The following TTC6 variants were observed in gnomAD, a reference collection of about 807,000 sequenced individuals.
TTC6 encodes tetratricopeptide repeat domain 6.
Under a neutral mutation model 210.4 loss-of-function variants are expected in TTC6, and 172 were observed. That is an observed-to-expected ratio of 0.82 (90% confidence interval 0.72 to 0.93). TTC6 has a LOEUF of 0.93. Among genes scored for constraint, TTC6 ranks in the 40% least tolerant of loss-of-function variants. TTC6 has a pLI of 0.00. For missense variants in TTC6, 2,414 were observed against 2,318.1 expected (o/e 1.04, Z -0.85); for synonymous variants, 804 against 819.6 (o/e 0.98, Z 0.32).
At chr14:37,758,708 G>T (rs541730649) in intron 14 of TTC6, among the ~76,000 whole-genome samples, 2 of 152,146 alleles carry the variant, frequency 1.3e-5, no homozygotes, top group African/African-American at 4.8e-5. Flanking sequence ...ATTGTGTTGT[G>T]TGAATTTTAT....
At chr14:37,622,979 C>T in exon 1 of TTC6, 1 of 1,489,472 alleles carries the variant, frequency 6.7e-7, no homozygotes, top group Non-Finnish European at 8.9e-7. Context: ...GCGTCCTTGG[C>T]CAGAACTACG....
intron 29 of TTC6, chr14:37,827,728 A>G (rs1362454263): frequency 6.0e-6 from 1 of 166,412 alleles, no homozygotes; most frequent in Non-Finnish European, 1.3e-5. Flanking sequence ...ACTACAATAA[A>G]GGTAATAAAC....
At chr14:37,760,781 C>T (rs1021953186) in intron 14 of TTC6, among the ~76,000 whole-genome samples, 2 of 152,192 alleles carry the variant, frequency 1.3e-5, no homozygotes, top group African/African-American at 4.8e-5. Context: ...TGAATTCCCC[C>T]CAGTCCAAAC....
chr14:37,735,297 A>G (rs2095898602), intron 7 of TTC6, among the ~76,000 whole-genome samples: 2 of 152,186 alleles, frequency 1.3e-5, no homozygotes, highest in Non-Finnish European at 2.9e-5. Flanking sequence ...AAGTAGTAGT[A>G]TGATTTAATT....
chr14:37,627,105 C>T (rs1210570770), intron 1 of TTC6, among the ~76,000 whole-genome samples: 2 of 152,032 alleles, frequency 1.3e-5, no homozygotes, highest in Admixed American at 6.6e-5. Context: ...CTTCCCCCCA[C>T]TCTCTCTTGC....
At chr14:37,626,826 T>C (rs1451500507) in intron 1 of TTC6, among the ~76,000 whole-genome samples, 1 of 152,178 alleles carries the variant, frequency 6.6e-6, no homozygotes. Context: ...TTTTAGACGA[T>C]AACTATGTTA....
chr14:37,678,190 C>T (rs1249467747), intron 1 of TTC6, among the ~76,000 whole-genome samples: 1 of 152,050 alleles, frequency 6.6e-6, no homozygotes, highest in East Asian at 1.9e-4. Flanking sequence ...TTGATTTTTT[C>T]AAGAATTATT....
upstream of TTC6, among the ~76,000 whole-genome samples, chr14:37,618,610 ATGTATTT>A (rs1481467733): frequency 1.4e-3 from 209 of 152,282 alleles, 1 homozygote; most frequent in African/African-American, 4.8e-3. Flanking sequence ...AAGTCATTTT[ATGTATTT>A]TGTGTTGTAG....
chr14:37,738,670 G>T, intron 9 of TTC6, 106 bp from the exon 12 acceptor site: 1 of 969,478 alleles, frequency 1.0e-6, no homozygotes. Flanking sequence ...TTTAAATTAA[G>T]TGACCAAACC....
upstream of TTC6, among the ~76,000 whole-genome samples, chr14:37,619,252 A>G (rs1261766888): frequency 6.6e-6 from 1 of 152,188 alleles, no homozygotes; most frequent in Non-Finnish European, 1.5e-5. Context: ...GAGCTAGGTA[A>G]AGAAAGAAAG....
At chr14:37,842,065 T>A in intron 30 of TTC6, 90 bp from the exon 33 acceptor site, 1 of 1,235,316 alleles carries the variant, frequency 8.1e-7, no homozygotes, top group Non-Finnish European at 1.1e-6. Context: ...TTAATTTTTT[T>A]AAAAGTTCTT....
upstream of TTC6, chr14:37,622,006 T>C: frequency 8.1e-7 from 1 of 1,234,604 alleles, no homozygotes; most frequent in East Asian, 2.6e-5. Context: ...TTTATGTATA[T>C]ACGCACACAA....
intron 15 of TTC6, among the ~76,000 whole-genome samples, chr14:37,789,184 A>G (rs1342965703): frequency 2.0e-5 from 3 of 152,176 alleles, no homozygotes; most frequent in African/African-American, 7.2e-5. Context: ...GCATTTTGCT[A>G]CTTGCAAAGT....
chr14:37,649,312 A>G (rs939398045), intron 1 of TTC6, among the ~76,000 whole-genome samples: 7 of 152,122 alleles, frequency 4.6e-5, no homozygotes, highest in Admixed American at 4.6e-4. Flanking sequence ...TCTCCATGAG[A>G]AGAAGTCCCA....
chr14:37,821,568 T>A (rs1158559131), intron 26 of TTC6, among the ~76,000 whole-genome samples: 1 of 152,102 alleles, frequency 6.6e-6, no homozygotes, highest in African/African-American at 2.4e-5. Context: ...TGTTGTGTGA[T>A]CTTCTAGAAG....
chr14:37,724,994 A>G, exon 7 of TTC6: 1 of 1,503,284 alleles, frequency 6.7e-7, no homozygotes, highest in Non-Finnish European at 8.9e-7. Flanking sequence ...TCTATATCCA[A>G]AATATGAGGT....
At position 37,796,291 on chromosome 14, in the gene TTC6, C is replaced by T. The variant is rs1208979510; in HGVS notation, c.3792-3C>T. ...TAGAATCAAAATCGATTATTTCTTC[C>T]AGAGGACAATATCTTCTTATGATGA... On this transcript the variant is annotated splice_region_variant and splice_polypyrimidine_tract_variant and intron_variant, in intron 18 of 30. Coordinates refer to ENST00000553443, the Ensembl canonical transcript of TTC6. 3 of 1,226,988 alleles carry T rather than the reference C, an allele frequency of 2.4e-6. No homozygotes were observed. The highest frequency in any genetic ancestry group is 3.4e-6 in the Non-Finnish European group (3 of 878,530). 76.0% of individuals were successfully genotyped at this position (1,226,988 alleles called of 1,614,324 possible).
At chr14:37,824,117 G>A (rs1209315991) in intron 27 of TTC6, among the ~76,000 whole-genome samples, 160 bp downstream of exon 29, 2 of 152,100 alleles carry the variant, frequency 1.3e-5, no homozygotes, top group East Asian at 1.9e-4. Flanking sequence ...CAGGGGTTTA[G>A]TTAGTTATAG....
intron 2 of TTC6, among the ~76,000 whole-genome samples, chr14:37,616,829 A>G (rs1399629454): frequency 2.0e-5 from 3 of 152,074 alleles, no homozygotes; most frequent in East Asian, 3.9e-4. Context: ...TGTCAAAAGT[A>G]CAATGACCAT....
Sources: allele counts gnomAD v4.1 joint callset (sites outside exome capture counted in the v4.1 genomes callset), GRCh38; gene constraint gnomAD v4.1.1; transcripts MANE v1.5; gene names NCBI Gene and HGNC (gene_info 2026-07-23, HGNC 2026-07-21).